The following KCNH7 variants were observed in gnomAD, a reference collection of about 807,000 sequenced individuals.
The protein encoded by KCNH7 is voltage-gated inwardly rectifying potassium channel KCNH7.
In KCNH7, 49 loss-of-function variants were observed where a neutral mutation model predicts 120.8. That is an observed-to-expected ratio of 0.41 (90% CI 0.32 to 0.51). The LOEUF (loss-of-function observed/expected upper bound fraction) is 0.51, where lower values mean the gene tolerates loss of function less well. Ranked by LOEUF, KCNH7 falls within the 20% of genes least tolerant of loss-of-function variation. The pLI is 0.38. For synonymous variants in KCNH7, 547 were observed against 516.1 expected, an observed-to-expected ratio of 1.06 and a Z score of -0.81; for missense variants, 1,097 against 1,446.6, an observed-to-expected ratio of 0.76 and a Z score of 3.92.
chr2:162,503,635 A>G (rs183894843), intron 6 of KCNH7, among the ~76,000 whole-genome samples: 30 of 152,180 alleles, frequency 2.0e-4, no homozygotes, highest in African/African-American at 7.2e-4. Context: ...TTAATTCAAA[A>G]ACTTCAATGC....
intron 14 of KCNH7, 100 bp downstream of exon 14, chr2:162,379,753 A>G: frequency 8.9e-7 from 1 of 1,121,512 alleles, no homozygotes; most frequent in East Asian, 2.4e-5. Flanking sequence ...TAAGGAAATT[A>G]TGAGATCATG....
At chr2:162,377,036 A>C (rs1576318742) in intron 14 of KCNH7, among the ~76,000 whole-genome samples, 1 of 152,176 alleles carries the variant, frequency 6.6e-6, no homozygotes, top group Non-Finnish European at 1.5e-5. Context: ...CAAATGGTGT[A>C]GGAATTCACA....
At chr2:162,735,500 TG>T (rs1199727718) in intron 2 of KCNH7, among the ~76,000 whole-genome samples, 2 of 152,202 alleles carry the variant, frequency 1.3e-5, no homozygotes, top group Non-Finnish European at 2.9e-5. Context: ...CTATAGATAA[TG>T]TCACTATTGC....
At chr2:162,372,748 T>C (rs1313210215) in intron 15 of KCNH7, among the ~76,000 whole-genome samples, 1 of 152,158 alleles carries the variant, frequency 6.6e-6, no homozygotes, top group Non-Finnish European at 1.5e-5. Flanking sequence ...TAAATCATTG[T>C]TCTTAGGTCC....
chr2:162,371,537 CA>C lies in KCNH7; in HGVS notation c.*291del. On this transcript the variant is annotated 3_prime_UTR_variant, in exon 16 of 16. Transcript: ENST00000332142. The stretch of plus-strand genomic sequence containing the variant: ...AAAGCAGTAAATAGGAGTCTCCATG[CA>C]AGAGAAATTGGAGTTTCCTAACATG... 9.7e-7 allele frequency: 1 copy of C among 1,031,428 alleles called. No individual in the cohort carries two copies. Among genetic ancestry groups the C allele is most frequent in the African/African-American group, 1.6e-5 (1 of 61,160 alleles). The allele number at this position is 1,031,428 out of a possible 1,614,324, so 63.9% of individuals were successfully genotyped here.
intron 2 of KCNH7, among the ~76,000 whole-genome samples, chr2:162,785,794 G>C (rs1445532991): frequency 6.6e-6 from 1 of 151,856 alleles, no homozygotes; most frequent in Non-Finnish European, 1.5e-5. Context: ...GGTTTTTAGG[G>C]GCAACTTTTT....
At chr2:162,830,894 G>T in intron 2 of KCNH7, among the ~76,000 whole-genome samples, 1 of 152,106 alleles carries the variant, frequency 6.6e-6, no homozygotes, top group East Asian at 1.9e-4. Context: ...AAAACTGTGA[G>T]AAATAAATCT....
chr2:162,538,668 C>T (rs1019558540), intron 2 of KCNH7, among the ~76,000 whole-genome samples: 76 of 152,038 alleles, frequency 5.0e-4, no homozygotes, highest in Non-Finnish European at 9.9e-4. Flanking sequence ...TGCATCTTGG[C>T]TCCTGCTGCT....
intron 9 of KCNH7, among the ~76,000 whole-genome samples, chr2:162,414,108 G>C (rs1687472712): frequency 6.6e-6 from 1 of 151,732 alleles, no homozygotes; most frequent in South Asian, 2.1e-4. Context: ...AAATTGAAAA[G>C]AACCATAACA....
intron 6 of KCNH7, among the ~76,000 whole-genome samples, chr2:162,448,341 A>C (rs894314048): frequency 6.6e-6 from 1 of 152,090 alleles, no homozygotes; most frequent in Non-Finnish European, 1.5e-5. Context: ...TAGAAAGCAA[A>C]ATACACAGCT....
chr2:162,525,290 T>C (rs1426126827), intron 3 of KCNH7, among the ~76,000 whole-genome samples: 1 of 151,918 alleles, frequency 6.6e-6, no homozygotes, highest in African/African-American at 2.4e-5. Flanking sequence ...TAGCAAGGCT[T>C]GAGAACAATT....
intron 2 of KCNH7, among the ~76,000 whole-genome samples, chr2:162,590,968 C>T (rs1445027128): frequency 1.3e-5 from 2 of 152,096 alleles, no homozygotes; most frequent in African/African-American, 4.8e-5. Context: ...TTGACATCAT[C>T]TCCTACCACT....
chr2:162,470,516 AC>A lies in KCNH7; in HGVS notation c.1129-24074del, dbSNP rs1356713068. On this transcript the variant is annotated intron_variant, in intron 6 of 15. Transcript: ENST00000332142. The stretch of plus-strand genomic sequence containing the variant: ...TGAGGAGCCCCTCTGCCGGGCAGCC[AC>A]CCCGTCTAGGAAGTGAGGAGCGTCT... Among the ~76,000 whole-genome samples the A allele has an allele frequency of 8.1e-5, 12 of 148,506 alleles. No homozygotes were observed. The East Asian group carries it at 2.5e-3, about 30-fold the overall frequency.
At chr2:162,438,848 C>G (rs1039646065) in intron 7 of KCNH7, among the ~76,000 whole-genome samples, 4 of 152,216 alleles carry the variant, frequency 2.6e-5, no homozygotes, top group East Asian at 3.9e-4. Flanking sequence ...TCTTTAAAAA[C>G]TTAAGGTGTC....
intron 2 of KCNH7, among the ~76,000 whole-genome samples, chr2:162,789,591 G>T (rs974434002): frequency 1.3e-5 from 2 of 151,894 alleles, no homozygotes; most frequent in Non-Finnish European, 2.9e-5. Flanking sequence ...ATGTTATCCA[G>T]GATCATAGAT....
At position 162,435,350 on chromosome 2, in the gene KCNH7, T is replaced by C. The variant is rs1433456731; in HGVS notation, c.1802A>G (p.Asp601Gly). Residue 601 changes from aspartate to glycine, a missense_variant, in exon 8 of 16, where the codon GAC becomes GGC. Transcript: ENST00000332142. ...LGQQIGKRYN[D>G]SDSSSGPSIK... ...GGATGGTCCAGAACTTGAGTCACTG[T>C]CATTGTAACGTTTCCCAATTTGCTG... 1 of 1,613,800 alleles carries C rather than the reference T, an allele frequency of 6.2e-7. No homozygotes were observed. The highest frequency in any genetic ancestry group is 1.7e-5 in the Admixed American group (1 of 59,942).
At chr2:162,522,676 A>G (rs577037655) in intron 3 of KCNH7, among the ~76,000 whole-genome samples, 94 of 152,008 alleles carry the variant, frequency 6.2e-4, no homozygotes, top group African/African-American at 2.1e-3. Context: ...CCTATTTACT[A>G]TAATGCTCAA....
At chr2:162,729,193 T>C (rs1395463153) in intron 2 of KCNH7, among the ~76,000 whole-genome samples, 11 of 136,626 alleles carry the variant, frequency 8.1e-5, no homozygotes, top group Non-Finnish European at 1.2e-4. Flanking sequence ...TGAGACAGAG[T>C]CTCGCTCTCT....
At chr2:162,763,829 C>T (rs1689051437) in intron 2 of KCNH7, among the ~76,000 whole-genome samples, 1 of 150,440 alleles carries the variant, frequency 6.6e-6, no homozygotes, top group South Asian at 2.1e-4. Context: ...TTGCTGCCTA[C>T]TATGTGTCAA....
Sources: allele counts gnomAD v4.1 joint callset (sites outside exome capture counted in the v4.1 genomes callset), GRCh38; gene constraint gnomAD v4.1.1; transcripts MANE v1.5; gene names NCBI Gene and HGNC (gene_info 2026-07-23, HGNC 2026-07-21).